The following NIN variants were observed in gnomAD, a reference collection of about 807,000 sequenced individuals.
NIN encodes the protein ninein.
NIN carries 137 observed loss-of-function variants against 257.6 expected under a neutral mutation model. The observed-to-expected ratio is 0.53, with a 90% CI of 0.46 to 0.61. The LOEUF is 0.61. NIN is among the 20% of genes least tolerant of loss of function. NIN has a pLI of 0.00. For missense variants in NIN, 2,439 were observed against 2,501.2 expected, an observed-to-expected ratio of 0.98 and a Z score of 0.53; for synonymous variants, 918 against 919.8, an observed-to-expected ratio of 1.00 and a Z score of 0.04.
Position 50,758,418 on chromosome 14 carries a change from T to C in NIN, c.2612A>G (p.Glu871Gly), listed in dbSNP as rs754362567. 1 of 1,614,030 alleles carries C rather than the reference T, an allele frequency of 6.2e-7. No homozygotes were observed. Residue 871 changes from glutamate to glycine, a missense_variant, in exon 18 of 31, where the codon GAA (glutamate) becomes GGA (glycine). Around this residue, in one of 3 missense-constraint regions of NIN, gnomAD observed 2,043 missense variants for 2,050.2 expected, o/e 1.00. Transcript: ENST00000530997. The stretch of plus-strand genomic sequence containing the variant: ...AGTCTCTTTCAGCAGCTCCTGGGCT[T>C]CCGCACACTCCTGGGTGAGCTCGTC... ...EKDELTQECA[E>G]AQELLKETLK...
intron 8 of NIN, 60 bp from the exon 9 acceptor site, chr14:50,772,528 T>C (rs1018449171): frequency 4.6e-6 from 7 of 1,536,950 alleles, no homozygotes; most frequent in Non-Finnish European, 6.3e-6. Context: ...CAACAAGATA[T>C]TGGTCAGCCC....
At chr14:50,762,442 C>G (rs1294162161) in intron 15 of NIN, among the ~76,000 whole-genome samples, 2 of 152,144 alleles carry the variant, frequency 1.3e-5, no homozygotes, top group African/African-American at 2.4e-5. Flanking sequence ...TATGAATTTC[C>G]TAGAGTGTGG....
chr14:50,783,622 G>A (rs867923643), intron 5 of NIN, among the ~76,000 whole-genome samples: 1 of 150,722 alleles, frequency 6.6e-6, no homozygotes, highest in South Asian at 2.1e-4. Flanking sequence ...CAGGGTGGCT[G>A]AGCATTTGTT....
intron 28 of NIN, among the ~76,000 whole-genome samples, chr14:50,731,643 G>A (rs971807493): frequency 6.6e-6 from 1 of 151,972 alleles, no homozygotes; most frequent in Non-Finnish European, 1.5e-5. Flanking sequence ...AGACCATCCT[G>A]GCAACGTGGT....
intron 10 of NIN, 140 bp from the exon 11 acceptor site, chr14:50,771,132 A>T: frequency 2.5e-6 from 3 of 1,188,778 alleles, no homozygotes; most frequent in Non-Finnish European, 3.5e-6. Context: ...AAGGCACTCC[A>T]CCCTTCCCTT....
chr14:50,727,791 C>G, intron 29 of NIN: 1 of 1,413,460 alleles, frequency 7.1e-7, no homozygotes. Flanking sequence ...ACCCTCATGT[C>G]AGGATGAGTT....
chr14:50,789,371 A>C (rs1481634950), intron 5 of NIN, among the ~76,000 whole-genome samples: 1 of 152,156 alleles, frequency 6.6e-6, no homozygotes, highest in East Asian at 1.9e-4. Context: ...TCAGGAATTC[A>C]AGACCAGCCT....
intron 3 of NIN, among the ~76,000 whole-genome samples, chr14:50,811,349 G>A: frequency 6.6e-6 from 1 of 151,396 alleles, no homozygotes; most frequent in Non-Finnish European, 1.5e-5. Flanking sequence ...CCTCAGGTGA[G>A]CCACCCGTCA....
chr14:50,738,657 G>T (rs1393552208), intron 26 of NIN, among the ~76,000 whole-genome samples: 3 of 152,114 alleles, frequency 2.0e-5, no homozygotes, highest in African/African-American at 7.2e-5. Flanking sequence ...GTTCCCATCT[G>T]CTCTTATTGG....
intron 29 of NIN, chr14:50,727,666 T>A: frequency 6.9e-7 from 1 of 1,442,534 alleles, no homozygotes; most frequent in Non-Finnish European, 9.4e-7. Flanking sequence ...TGGTAAGAAA[T>A]GCCATCAATA....
chr14:50,801,721 C>T (rs1414678390), intron 4 of NIN, among the ~76,000 whole-genome samples: 1 of 152,180 alleles, frequency 6.6e-6, no homozygotes, highest in East Asian at 1.9e-4. Context: ...TGTATCACTT[C>T]TTCAAAATAT....
rs2042087642 is a variant in NIN at position 50,757,581 on chromosome 14, T to C, written c.3449A>G (p.Asp1150Gly). The part of the protein sequence containing the change: ...RRHVLSDLED[D>G]EVRDLGSTGT... ...TGTACTTCCCAGGTCCCGGACCTCA[T>C]CATCTTCCAGGTCACTTAGGACATG... Residue 1150 changes from aspartate (D) to glycine (G), a missense_variant, in exon 18 of 31, where the codon GAT becomes GGT. Asp to Gly is a moderately conservative substitution (Grantham distance 94). Coordinates refer to ENST00000530997, the MANE Select transcript of NIN (RefSeq NM_020921.4). 2 of 1,614,146 alleles carry C rather than the reference T, an allele frequency of 1.2e-6. No individual in the cohort carries two copies. The highest frequency in any genetic ancestry group is 4.5e-5 in the East Asian group (2 of 44,884).
chr14:50,723,930 A>T, intron 30 of NIN: 1 of 387,332 alleles, frequency 2.6e-6, no homozygotes, highest in Non-Finnish European at 4.6e-6. Context: ...ATTAGATGGC[A>T]CCAAAAGTTT....
In NIN at chr14:50,779,407, G is replaced by A. The variant is rs945975288; in HGVS notation, c.436-603C>T. ...TGGGATACTTTAGACTTGTTAGATC[G>A]GGAAGAAGCAATGTCTAAACTGAGA... On this transcript the variant is annotated intron_variant, in intron 5 of 30. Transcript: ENST00000530997. Among the ~76,000 whole-genome samples the A allele has an allele frequency of 3.3e-5, 5 of 152,326 alleles. No individual in the cohort carries two copies. The South Asian group carries it at 8.3e-4, about 25-fold the overall frequency.
At chr14:50,736,647 G>A (rs1465108507) in intron 27 of NIN, among the ~76,000 whole-genome samples, 1 of 152,118 alleles carries the variant, frequency 6.6e-6, no homozygotes, top group Non-Finnish European at 1.5e-5. Flanking sequence ...GCCTATCACA[G>A]ACTTTTCTCC....
chr14:50,739,189 G>A, intron 26 of NIN, 119 bp downstream of exon 26: 2 of 801,334 alleles, frequency 2.5e-6, no homozygotes, highest in East Asian at 2.5e-5. Context: ...AAATAAGTCT[G>A]CTATAGCAGG....
chr14:50,727,705 C>A (rs762675712), intron 29 of NIN: 1 of 1,438,158 alleles, frequency 7.0e-7, no homozygotes, highest in Admixed American at 1.8e-5. Context: ...GTGCCCAATC[C>A]TTCTGTAGGA....
intron 14 of NIN, among the ~76,000 whole-genome samples, chr14:50,765,770 G>A (rs1412066781): frequency 6.1e-5 from 9 of 147,906 alleles, no homozygotes; most frequent in African/African-American, 2.0e-4. Context: ...ACCAAATCAC[G>A]TCAGATTAGA....
rs142213280 is a variant in NIN, at chr14:50,741,680, G to A, written c.5350C>T (p.Arg1784Trp). ...TVQNVNLQMSRMKSDLRVTQQ... is the reference protein window; with the variant it reads ...TVQNVNLQMSWMKSDLRVTQQ... ...GTCACTCGTAGGTCAGATTTCATCCGGGACATTTGCAGGTTTACATTCTGC... is the reference window on the plus strand; with the variant it reads ...GTCACTCGTAGGTCAGATTTCATCCAGGACATTTGCAGGTTTACATTCTGC... The change falls in exon 25 of 31, where the codon CGG becomes TGG. Residue 1784 changes from arginine to tryptophan, a missense_variant. By Grantham distance (101) the Arg-to-Trp change is moderately radical. Coordinates refer to ENST00000530997, the MANE Select transcript of NIN (RefSeq NM_020921.4). The A allele has an allele frequency of 1.8e-5, 29 of 1,613,836 alleles. No homozygotes were observed. In the East Asian group the frequency reaches 2.5e-4, roughly 14 times the overall value.
Sources: allele counts gnomAD v4.1 joint callset (sites outside exome capture counted in the v4.1 genomes callset), GRCh38; gene constraint gnomAD v4.1.1; regional missense constraint gnomAD v4.1.1; transcripts MANE v1.5; gene names NCBI Gene and HGNC (gene_info 2026-07-23, HGNC 2026-07-21).